Variants in IQCJ observed in about 807,000 individuals in gnomAD.
IQCJ encodes IQ motif containing J, also known as IQ domain-containing protein J.
In IQCJ, 9 loss-of-function variants were observed where a neutral mutation model predicts 11.0. The ratio of observed to expected loss-of-function variants is 0.82; its 90% CI spans 0.49 to 1.43. The LOEUF (loss-of-function observed/expected upper bound fraction) is 1.43. Among genes scored for constraint, IQCJ ranks in the 40% most tolerant of loss-of-function variants. IQCJ has a pLI of 0.00. For synonymous variants in IQCJ, 55 were observed against 51.3 expected, an observed-to-expected ratio of 1.07 and a Z score of -0.31; for missense variants, 146 against 133.2, an observed-to-expected ratio of 1.10 and a Z score of -0.47.
rs1309106648 is a variant in IQCJ at position 159,091,674 on chromosome 3, G to GCGCGCGCACACA, written c.9+22234_9+22235insGCGCGCACACAC. 6.8e-4 allele frequency among the ~76,000 whole-genome samples: 55 copies of GCGCGCGCACACA among 81,308 alleles called. 1 individual carries two copies. The highest frequency in any genetic ancestry group is 4.1e-3 in the African/African-American group (50 of 12,080). 53.3% of individuals were successfully genotyped at this position (81,308 alleles called of 152,430 possible). ...CACACACACACACACACACACGCAT[G>GCGCGCGCACACA]CACACACACACACACACACACACAC... is the stretch of plus-strand genomic sequence containing the variant. On this transcript the variant is annotated intron_variant, in intron 1 of 3. Coordinates refer to ENST00000397832, the MANE Select transcript of IQCJ (RefSeq NM_001042706.3).
At chr3:159,228,830 T>C (rs1484633671) in intron 1 of IQCJ, among the ~76,000 whole-genome samples, 2 of 152,056 alleles carry the variant, frequency 1.3e-5, no homozygotes, top group Admixed American at 6.5e-5. Context: ...ATGGCCTGTT[T>C]ACATAAACCT....
Position 159,263,410 on chromosome 3 carries a change from G to A in IQCJ, c.*679G>A, listed in dbSNP as rs561269909. On this transcript the variant is annotated 3_prime_UTR_variant, in exon 4 of 4. Transcript: ENST00000397832. The stretch of plus-strand genomic sequence containing the variant: ...ACCAGTTTAAGAAATCTGAGATAGA[G>A]AGTTAAGGAATAAGGGAATCTGCTG... 1.0e-6 allele frequency: 1 copy of A among 979,266 alleles called. No individual in the cohort carries two copies. The highest frequency in any genetic ancestry group is 4.7e-5 in the South Asian group (1 of 21,142). 60.7% of individuals were successfully genotyped at this position (979,266 alleles called of 1,614,324 possible).
chr3:159,149,315 A>G (rs1240212852), intron 1 of IQCJ, among the ~76,000 whole-genome samples: 2 of 152,186 alleles, frequency 1.3e-5, no homozygotes, highest in Admixed American at 1.3e-4. Flanking sequence ...TTCTATTTCC[A>G]TATAATCCCA....
downstream of IQCJ, chr3:159,265,404 A>G: frequency 1.2e-6 from 2 of 1,610,860 alleles, no homozygotes; most frequent in Non-Finnish European, 1.7e-6. Context: ...CCTCCAGTGA[A>G]TGGACCTCAA....
intron 1 of IQCJ, among the ~76,000 whole-genome samples, chr3:159,157,836 T>C (rs1721613732): frequency 6.6e-6 from 1 of 152,238 alleles, no homozygotes; most frequent in South Asian, 2.1e-4. Context: ...TGTTATTTTC[T>C]CATATAACAT....
chr3:159,198,996 G>T (rs539705956), intron 1 of IQCJ, among the ~76,000 whole-genome samples: 2 of 152,242 alleles, frequency 1.3e-5, no homozygotes, highest in South Asian at 4.1e-4. Flanking sequence ...TATTCACTTA[G>T]AATATTCAAA....
At chr3:159,220,705 A>T (rs1487224918) in intron 1 of IQCJ, among the ~76,000 whole-genome samples, 3 of 152,128 alleles carry the variant, frequency 2.0e-5, no homozygotes, top group African/African-American at 7.2e-5. Flanking sequence ...AAAATACCAC[A>T]CCCTAATGGA....
chr3:159,168,344 G>A (rs1331170566), intron 1 of IQCJ, among the ~76,000 whole-genome samples: 1 of 152,144 alleles, frequency 6.6e-6, no homozygotes, highest in Non-Finnish European at 1.5e-5. Flanking sequence ...GGCAGAGACT[G>A]TCCTCCTGCA....
At chr3:159,142,461 G>T (rs7641814) in intron 1 of IQCJ, among the ~76,000 whole-genome samples, 96,776 of 151,846 alleles carry the variant, frequency 0.64, 31,475 homozygotes, top group East Asian at 0.71. Context: ...CTGTCACCCA[G>T]GCTGGAGTGC....
intron 3 of IQCJ, among the ~76,000 whole-genome samples, chr3:159,253,629 A>G (rs1317411725): frequency 6.6e-6 from 1 of 151,466 alleles, no homozygotes; most frequent in Non-Finnish European, 1.5e-5. Context: ...ACACACACAC[A>G]CACACACTCA....
At chr3:159,218,366 T>TG (rs1368688874) in intron 1 of IQCJ, among the ~76,000 whole-genome samples, 1 of 151,450 alleles carries the variant, frequency 6.6e-6, no homozygotes, top group Non-Finnish European at 1.5e-5. Context: ...TGTGTGTGTG[T>TG]GTGTATAAGA....
At chr3:159,108,024 AAG>A (rs1553776492) in intron 1 of IQCJ, among the ~76,000 whole-genome samples, 135 of 151,366 alleles carry the variant, frequency 8.9e-4, no homozygotes, top group African/African-American at 3.1e-3. Context: ...AAAAAAAAAA[AAG>A]AAAAAAAATT....
In IQCJ at chr3:159,170,839, A is replaced by G. The variant is rs1722448782; in HGVS notation, c.10-75004A>G. ...GGATTCCTTTCTCATAGCCCAAGTT[A>G]AAAAAGAACAGTGAAGTCATCTGTC... On this transcript the variant is annotated intron_variant, in intron 1 of 3. Coordinates refer to ENST00000397832, the MANE Select transcript of IQCJ (RefSeq NM_001042706.3). Among the ~76,000 whole-genome samples the G allele has an allele frequency of 2.0e-5, 3 of 152,184 alleles. No individual in the cohort carries two copies. The South Asian group carries it at 6.2e-4, about 32-fold the overall frequency.
At chr3:159,069,784 A>G (rs1715423815) in intron 1 of IQCJ, 1 of 508,528 alleles carries the variant, frequency 2.0e-6, no homozygotes, top group African/African-American at 1.9e-5. Context: ...GGAAAAATAC[A>G]TTTTTCACAC....
intron 1 of IQCJ, among the ~76,000 whole-genome samples, chr3:159,212,343 G>C (rs916942006): frequency 6.6e-6 from 1 of 152,126 alleles, no homozygotes; most frequent in Non-Finnish European, 1.5e-5. Flanking sequence ...TGGCACCTCA[G>C]TCTTGTTATC....
intron 1 of IQCJ, among the ~76,000 whole-genome samples, chr3:159,205,527 A>T (rs1724607218): frequency 6.6e-6 from 1 of 152,206 alleles, no homozygotes. Context: ...TGTGACCCAG[A>T]GCCCCAACCT....
Position 159,262,311 on chromosome 3 carries a change from C to T in IQCJ, c.156-237C>T, listed in dbSNP as rs146245079. On this transcript the variant is annotated intron_variant, in intron 3 of 3. Transcript: ENST00000397832. ...TATTATTAAGTTGACTCTTTTAGGCCGGTTGAGTGCAGTCAAGTCTGTGAA... is the reference window on the plus strand; with the variant it reads ...TATTATTAAGTTGACTCTTTTAGGCTGGTTGAGTGCAGTCAAGTCTGTGAA... Among the ~76,000 whole-genome samples the T allele has an allele frequency of 4.7e-3, 714 of 152,242 alleles. 7 individuals carry two copies. Among genetic ancestry groups the T allele is most frequent in the Non-Finnish European group, 7.2e-3 (492 of 68,024 alleles).
At chr3:159,243,018 C>T (rs1406755061) in intron 1 of IQCJ, among the ~76,000 whole-genome samples, 1 of 152,056 alleles carries the variant, frequency 6.6e-6, no homozygotes, top group Non-Finnish European at 1.5e-5. Flanking sequence ...TATTAGTTAT[C>T]AGAGAAATGC....
chr3:159,148,750 T>C (rs1721045914), intron 1 of IQCJ, among the ~76,000 whole-genome samples: 1 of 152,220 alleles, frequency 6.6e-6, no homozygotes, highest in South Asian at 2.1e-4. Context: ...TATTAACACA[T>C]TGACAGCCAA....
Sources: gnomAD v4.1 joint callset for allele counts (sites outside exome capture counted in the v4.1 genomes callset) on GRCh38, gnomAD v4.1.1 for gene constraint, MANE v1.5 for transcripts, NCBI Gene and HGNC (gene_info 2026-07-23, HGNC 2026-07-21) for gene names.